PPM1H: variants seen among roughly 807,000 people sequenced by gnomAD.
PPM1H encodes protein phosphatase 1H.
A neutral mutation model predicts 54.9 loss-of-function variants in PPM1H; 27 were observed. The observed-to-expected ratio is 0.49, with a 90% CI of 0.36 to 0.68. The LOEUF is 0.68. PPM1H is among the 30% of genes least tolerant of loss of function. The pLI is 0.00. For synonymous variants in PPM1H, 305 were observed against 270.8 expected (o/e 1.13, Z -1.24); for missense variants, 596 against 667.8 (o/e 0.89, Z 1.19).
intron 1 of PPM1H, among the ~76,000 whole-genome samples, chr12:62,885,762 A>G (rs1208395961): frequency 1.3e-5 from 2 of 152,206 alleles, no homozygotes; most frequent in East Asian, 3.8e-4. Flanking sequence ...CTGTATCTCA[A>G]ACTGAAAAAT....
intron 3 of PPM1H, among the ~76,000 whole-genome samples, chr12:62,795,259 C>T (rs1019770296): frequency 2.6e-5 from 4 of 152,020 alleles, no homozygotes; most frequent in African/African-American, 9.7e-5. Context: ...CCTACTTTTT[C>T]CCCAGAAATA....
chr12:62,730,702 G>T (rs561532811), intron 5 of PPM1H, among the ~76,000 whole-genome samples: 1 of 151,770 alleles, frequency 6.6e-6, no homozygotes, highest in Non-Finnish European at 1.5e-5. Flanking sequence ...CCTTAGAAGG[G>T]GAAAATCTCC....
At chr12:62,704,699 T>G (rs1416670577) in intron 6 of PPM1H, among the ~76,000 whole-genome samples, 1 of 152,202 alleles carries the variant, frequency 6.6e-6, no homozygotes, top group Non-Finnish European at 1.5e-5. Context: ...CAGCCTAGCT[T>G]GTGCATACCT....
intron 9 of PPM1H, among the ~76,000 whole-genome samples, chr12:62,666,759 G>C (rs2075919792): frequency 6.6e-6 from 1 of 151,992 alleles, no homozygotes; most frequent in Admixed American, 6.6e-5. Context: ...TGTCACCCAG[G>C]CTAGAGTGCA....
At chr12:62,795,587 CCG>C (rs1294982425) in intron 3 of PPM1H, among the ~76,000 whole-genome samples, 1 of 152,044 alleles carries the variant, frequency 6.6e-6, no homozygotes, top group Non-Finnish European at 1.5e-5. Flanking sequence ...GCTGGGACTA[CCG>C]CCCACCACCA....
intron 5 of PPM1H, among the ~76,000 whole-genome samples, chr12:62,724,803 G>T (rs1159765585): frequency 6.6e-6 from 1 of 152,094 alleles, no homozygotes; most frequent in Non-Finnish European, 1.5e-5. Flanking sequence ...TAAGAGCTGA[G>T]ACTTAGACAC....
chr12:62,887,570 G>A (rs1396995595), intron 1 of PPM1H, among the ~76,000 whole-genome samples: 2 of 152,166 alleles, frequency 1.3e-5, no homozygotes, highest in East Asian at 3.8e-4. Context: ...TAGATTCTAA[G>A]AATATTATAC....
chr12:62,673,329 G>T (rs75027879), intron 8 of PPM1H, among the ~76,000 whole-genome samples: 1 of 152,148 alleles, frequency 6.6e-6, no homozygotes, highest in South Asian at 2.1e-4. Flanking sequence ...CTTAGTGCTC[G>T]GCTGCAGGCT....
intron 1 of PPM1H, among the ~76,000 whole-genome samples, chr12:62,834,199 TCA>T (rs1868431956): frequency 6.6e-6 from 1 of 152,180 alleles, no homozygotes; most frequent in Non-Finnish European, 1.5e-5. Context: ...CGGGGGCTTA[TCA>T]CACACTCTCA....
rs547524461 is a variant in PPM1H at position 62,659,185 on chromosome 12, C to T, written c.1397+7993G>A. 21 of 713,400 alleles carry T rather than the reference C, an allele frequency of 2.9e-5. No homozygotes were observed. The Admixed American group carries it at 3.3e-4, about 11-fold the overall frequency. The allele number at this position is 713,400 out of a possible 1,614,324, so 44.2% of individuals were successfully genotyped here. On this transcript the variant is annotated intron_variant, in intron 9 of 9. Transcript: ENST00000228705. ...GCTGCCCAGCTGGCCATCAGAGTCA[C>T]CAACCCCAATGCCAGGCTGTGCAGC...
At position 62,720,253 on chromosome 12, in the gene PPM1H, T is replaced by C. The variant is rs778597878; in HGVS notation, c.991A>G (p.Thr331Ala). 98 of 1,613,688 alleles carry C rather than the reference T, an allele frequency of 6.1e-5. No individual in the cohort carries two copies. The highest frequency in any genetic ancestry group is 8.1e-5 in the Non-Finnish European group (96 of 1,179,734). The change falls in exon 6 of 10, where the codon ACA (threonine) becomes GCA (alanine). Residue 331 changes from threonine (T) to alanine (A), a missense_variant. Physicochemically the swap from Thr to Ala is moderately conservative, Grantham distance 58. This residue lies in a region of PPM1H where 208 missense variants were observed against 259.5 expected (regional missense o/e 0.80). Transcript: ENST00000228705. ...MQPHLLGNEFTHLEFPRRVQR... is the reference protein window; with the variant it reads ...MQPHLLGNEFAHLEFPRRVQR... ...ACTCTCCTTGGAAACTCCAAATGTGTGAACTCATTTCCCAGCAAGTGAGGC... is the reference window on the plus strand; with the variant it reads ...ACTCTCCTTGGAAACTCCAAATGTGCGAACTCATTTCCCAGCAAGTGAGGC...
At chr12:62,818,466 A>G (rs1437738247) in intron 2 of PPM1H, among the ~76,000 whole-genome samples, 1 of 152,210 alleles carries the variant, frequency 6.6e-6, no homozygotes, top group Non-Finnish European at 1.5e-5. Flanking sequence ...GGGAATCAGG[A>G]GGCCATTGGG....
intron 9 of PPM1H, among the ~76,000 whole-genome samples, chr12:62,651,586 A>T (rs2075816796): frequency 6.6e-6 from 1 of 152,212 alleles, no homozygotes; most frequent in South Asian, 2.1e-4. Flanking sequence ...GTAGGTAATT[A>T]AGGTTTCATT....
chr12:62,829,748 T>C (rs1247783156), intron 2 of PPM1H, among the ~76,000 whole-genome samples: 1 of 152,184 alleles, frequency 6.6e-6, no homozygotes, highest in Admixed American at 6.5e-5. Context: ...GTTTCACTGT[T>C]CTTAAGGACA....
intron 4 of PPM1H, among the ~76,000 whole-genome samples, chr12:62,739,371 G>A (rs2076369146): frequency 6.6e-6 from 1 of 152,116 alleles, no homozygotes; most frequent in African/African-American, 2.4e-5. Flanking sequence ...AGTTTTGACA[G>A]GATGGAGAAA....
chr12:62,657,757 AG>A (rs1395617761), intron 9 of PPM1H, among the ~76,000 whole-genome samples: 1 of 152,220 alleles, frequency 6.6e-6, no homozygotes, highest in Non-Finnish European at 1.5e-5. Context: ...ATTTCATATT[AG>A]GGTAATGCAA....
intron 1 of PPM1H, among the ~76,000 whole-genome samples, chr12:62,866,862 T>C (rs1409274181): frequency 6.6e-6 from 1 of 151,728 alleles, no homozygotes; most frequent in Non-Finnish European, 1.5e-5. Context: ...TAGAATTGAG[T>C]CCATGACGCT....
At chr12:62,930,792 C>T (rs1449930810) in intron 1 of PPM1H, among the ~76,000 whole-genome samples, 1 of 151,352 alleles carries the variant, frequency 6.6e-6, no homozygotes, top group Non-Finnish European at 1.5e-5. Context: ...TTAAAACTTG[C>T]TAATGCATGT....
chr12:62,824,847 A>G (rs1868270373), intron 2 of PPM1H, among the ~76,000 whole-genome samples: 1 of 152,204 alleles, frequency 6.6e-6, no homozygotes, highest in Non-Finnish European at 1.5e-5. Context: ...ATGGGCAAGG[A>G]CTTCATGACT....
Sources: gnomAD v4.1 joint callset for allele counts (sites outside exome capture counted in the v4.1 genomes callset) on GRCh38, gnomAD v4.1.1 for gene constraint, gnomAD v4.1.1 regional missense constraint, MANE v1.5 for transcripts, NCBI Gene and HGNC (gene_info 2026-07-23, HGNC 2026-07-21) for gene names.